Variants in MAP1B observed in about 807,000 individuals in gnomAD.
MAP1B encodes the protein microtubule-associated protein 1B.
MAP1B carries 12 observed loss-of-function variants against 176.1 expected under a neutral mutation model. That is an observed-to-expected ratio of 0.07 (90% confidence interval 0.04 to 0.11). MAP1B has a LOEUF of 0.11. Among genes scored for constraint, MAP1B ranks in the 10% least tolerant of loss-of-function variants. MAP1B has a pLI of 1.00. For synonymous variants in MAP1B, 1,044 were observed against 1,135.0 expected (o/e 0.92, Z 1.61); for missense variants, 2,523 against 2,990.5 (o/e 0.84, Z 3.65).
intron 2 of MAP1B, among the ~76,000 whole-genome samples, chr5:72,153,930 CG>C (rs1315468341): frequency 6.6e-5 from 10 of 151,970 alleles, no homozygotes; most frequent in African/African-American, 2.2e-4. Context: ...TTCCCTAGGT[CG>C]GGAAGATGAC....
chr5:72,141,344 T>C (rs1007465994), intron 2 of MAP1B, among the ~76,000 whole-genome samples: 5 of 152,222 alleles, frequency 3.3e-5, no homozygotes, highest in Non-Finnish European at 7.3e-5. Flanking sequence ...AGCTTAATAG[T>C]AGCTACAAGT....
At chr5:72,165,634 G>C (rs1746413213) in intron 2 of MAP1B, among the ~76,000 whole-genome samples, 1 of 152,112 alleles carries the variant, frequency 6.6e-6, no homozygotes, top group African/African-American at 2.4e-5. Context: ...CTAAATAAGA[G>C]GATGGGATGT....
At position 72,197,898 on chromosome 5, in the gene MAP1B, G is replaced by A. The variant is rs748704246; in HGVS notation, c.4543G>A (p.Glu1515Lys). 7 of 1,614,104 alleles carry A rather than the reference G, an allele frequency of 4.3e-6. No individual in the cohort carries two copies. In the African/African-American group the frequency reaches 5.3e-5, roughly 12 times the overall value. ...TGTCAGTCAGTTTGGATCTTTTAAA[G>A]AAGACACTAAGATGTCCATTTCTGA... Reference protein sequence around the residue: ...IDVSQFGSFKEDTKMSISEGT... With the variant: ...IDVSQFGSFKKDTKMSISEGT... The change falls in exon 5 of 7, where the codon GAA (glutamate) becomes AAA (lysine). Residue 1515 changes from glutamate to lysine, a missense_variant. Physicochemically the swap from Glu to Lys is moderately conservative, Grantham distance 56. This residue lies in a region of MAP1B where 1,925 missense variants were observed against 2,126.0 expected (regional missense o/e 0.91). Coordinates refer to ENST00000296755, the MANE Select transcript of MAP1B (RefSeq NM_005909.5).
In MAP1B at chr5:72,199,808, C is replaced by T. The variant is rs543732551; in HGVS notation, c.6453C>T (p.Ser2151=). 20 of 1,613,990 alleles carry T rather than the reference C, an allele frequency of 1.2e-5. No individual in the cohort carries two copies. Among genetic ancestry groups the T allele is most frequent in the Non-Finnish European group, 1.6e-5 (19 of 1,180,008 alleles). The change falls in exon 5 of 7, where the codon AGC becomes AGT. Residue 2151 remains serine (S), a synonymous_variant. Transcript: ENST00000296755. This position sits in a 1 kb window ranked among gnomAD's most constrained non-coding sequence, Gnocchi z 4.2. ...QCDETPPTSV[S]ESAPSQTDSD... is the part of the protein sequence containing the mutation. ...ATGAAACCCCTCCCACCTCAGTCAG[C>T]GAGTCAGCCCCATCCCAGACCGACT...
At chr5:72,189,296 AG>A (rs1305723882) in intron 4 of MAP1B, among the ~76,000 whole-genome samples, 1 of 152,184 alleles carries the variant, frequency 6.6e-6, no homozygotes, top group Admixed American at 6.5e-5. Context: ...CCTGAAATCC[AG>A]GGATGGTGAA....
In MAP1B at chr5:72,115,690, C is replaced by T. The variant is rs1360293660; in HGVS notation, c.185-8C>T. 2.6e-6 allele frequency: 4 copies of T among 1,543,422 alleles called. No individual in the cohort carries two copies. Among genetic ancestry groups the T allele is most frequent in the Non-Finnish European group, 3.6e-6 (4 of 1,115,604 alleles). ...AAGTCTCTCAACTGTCTTTCTTTCCCTCCCTAGGAATCCGATCATGGGACA... is the reference window on the plus strand; with the variant it reads ...AAGTCTCTCAACTGTCTTTCTTTCCTTCCCTAGGAATCCGATCATGGGACA... On this transcript the variant is annotated splice_polypyrimidine_tract_variant and splice_region_variant and intron_variant, in intron 1 of 6. Coordinates refer to ENST00000296755, the MANE Select transcript of MAP1B (RefSeq NM_005909.5).
chr5:72,142,232 C>T (rs1013210538), intron 2 of MAP1B, among the ~76,000 whole-genome samples: 1 of 152,274 alleles, frequency 6.6e-6, no homozygotes, highest in East Asian at 1.9e-4. Context: ...ACATTCAAAG[C>T]CAGAGTGGAA....
chr5:72,107,781 G>C, intron 1 of MAP1B, 66 bp downstream of exon 1: 16 of 1,552,220 alleles, frequency 1.0e-5, no homozygotes, highest in South Asian at 1.0e-4. Context: ...CACCCAGGGC[G>C]CGACGGTCAC....
chr5:72,181,608 G>A (rs1001347331), intron 2 of MAP1B, among the ~76,000 whole-genome samples: 2 of 151,864 alleles, frequency 1.3e-5, no homozygotes, highest in African/African-American at 4.8e-5. Context: ...CCCAGGCTAG[G>A]GTGCAATGAC....
At chr5:72,109,235 T>TAA (rs70999261) in intron 1 of MAP1B, among the ~76,000 whole-genome samples, 26 of 139,180 alleles carry the variant, frequency 1.9e-4, no homozygotes, top group East Asian at 4.0e-4. Flanking sequence ...CCTTTTAGCT[T>TAA]AAAAAAAAAA....
At chr5:72,142,293 T>C (rs1016084800) in intron 2 of MAP1B, among the ~76,000 whole-genome samples, 2 of 152,230 alleles carry the variant, frequency 1.3e-5, no homozygotes, top group African/African-American at 4.8e-5. Context: ...CGGTCGCTTA[T>C]TGTGCAGACT....
At chr5:72,155,818 G>A (rs1241046846) in intron 2 of MAP1B, among the ~76,000 whole-genome samples, 3 of 148,080 alleles carry the variant, frequency 2.0e-5, no homozygotes, top group Non-Finnish European at 4.4e-5. Flanking sequence ...CCAGGCTGGA[G>A]TACAGTGGCG....
At chr5:72,151,983 T>C (rs1240182427) in intron 2 of MAP1B, among the ~76,000 whole-genome samples, 1 of 152,244 alleles carries the variant, frequency 6.6e-6, no homozygotes, top group East Asian at 1.9e-4. Flanking sequence ...GTTAGCAACT[T>C]ACATAACCGT....
rs35538777 is a variant in MAP1B, at chr5:72,195,290, G to T, written c.1935G>T (p.Lys645Asn). 1 of 1,613,112 alleles carries T rather than the reference G, an allele frequency of 6.2e-7. No homozygotes were observed. Among genetic ancestry groups the T allele is most frequent in the Non-Finnish European group, 8.5e-7 (1 of 1,179,864 alleles). ...EKTVKKETKV[K>N]PEDKKEEKEK... ...CGGTGAAAAAGGAAACAAAGGTAAA[G>T]CCTGAAGACAAGAAAGAGGAGAAAG... The change falls in exon 5 of 7, where the codon AAG becomes AAT. Residue 645 changes from lysine to asparagine, a missense_variant. Lys to Asn is a moderately conservative substitution (Grantham distance 94). Coordinates refer to ENST00000296755, the MANE Select transcript of MAP1B (RefSeq NM_005909.5).
chr5:72,183,375 A>C (rs1746819215), intron 2 of MAP1B, among the ~76,000 whole-genome samples: 5 of 152,318 alleles, frequency 3.3e-5, no homozygotes, highest in African/African-American at 9.6e-5. Context: ...GATACGGAGA[A>C]ACATCCCCAA....
Position 72,196,161 on chromosome 5 carries a change from T to C in MAP1B, c.2806T>C (p.Ser936Pro), listed in dbSNP as rs761751514. 2 of 1,613,198 alleles carry C rather than the reference T, an allele frequency of 1.2e-6. No individual in the cohort carries two copies. Among genetic ancestry groups the C allele is most frequent in the Non-Finnish European group, 1.7e-6 (2 of 1,179,912 alleles). The change falls in exon 5 of 7, where the codon TCT becomes CCT. Residue 936 changes from serine (S) to proline (P), a missense_variant. Coordinates refer to ENST00000296755, the MANE Select transcript of MAP1B (RefSeq NM_005909.5). This position sits in a 1 kb window ranked among gnomAD's most constrained non-coding sequence, Gnocchi z 5.3. ...FEDEGAGFEE[S>P]SETGDYEEKA... ...AGATGAAGGAGCCGGTTTTGAAGAA[T>C]CTTCAGAGACTGGAGACTATGAAGA...
At chr5:72,118,279 G>A (rs1319926681) in intron 2 of MAP1B, among the ~76,000 whole-genome samples, 1 of 151,528 alleles carries the variant, frequency 6.6e-6, no homozygotes, top group Non-Finnish European at 1.5e-5. Flanking sequence ...CCAAGTAGCT[G>A]GGATTACAGG....
chr5:72,128,664 A>C (rs115910981), intron 2 of MAP1B, among the ~76,000 whole-genome samples: 3,559 of 152,160 alleles, frequency 0.023, 98 homozygotes, highest in African/African-American at 0.068. Flanking sequence ...TTTTTTGAGA[A>C]AGGGTCTCAC....
rs1747520197 is a variant in MAP1B, at chr5:72,209,354, C to G, written c.*4115C>G. On this transcript the variant is annotated 3_prime_UTR_variant, in exon 7 of 7. Transcript: ENST00000296755. ...CTCTTGTTCTGAATGGTGTTTGTGT[C>G]AGTCTGCAGCTGTGTATGGTATTAT... The G allele has an allele frequency of 6.6e-6, 1 of 152,128 alleles. No homozygotes were observed. Among genetic ancestry groups the G allele is most frequent in the Non-Finnish European group, 1.5e-5 (1 of 68,024 alleles). 9.4% of individuals were successfully genotyped at this position (152,128 alleles called of 1,614,324 possible).
Sources: gnomAD v4.1 joint callset for allele counts (sites outside exome capture counted in the v4.1 genomes callset) on GRCh38, gnomAD v4.1.1 for gene constraint, gnomAD v4.1.1 regional missense constraint, Gnocchi (gnomAD v3.1) non-coding constraint, MANE v1.5 for transcripts, NCBI Gene and HGNC (gene_info 2026-07-23, HGNC 2026-07-21) for gene names.